The following TEX9 variants were observed in gnomAD, a reference collection of about 807,000 sequenced individuals.
The protein encoded by TEX9 is testis-expressed protein 9.
Under a neutral mutation model 59.6 loss-of-function variants are expected in TEX9, and 74 were observed. That is an observed-to-expected ratio of 1.24 (90% CI 1.03 to 1.51). The LOEUF is 1.51. TEX9 is among the 40% of genes most tolerant of loss of function. TEX9 has a pLI of 0.00. For synonymous variants in TEX9, 186 were observed against 152.2 expected (o/e 1.22, Z -1.64); for missense variants, 522 against 447.8 (o/e 1.17, Z -1.49).
chr15:56,339,590 C>A (rs2141824067), intron 1 of TEX9, among the ~76,000 whole-genome samples: 1 of 152,050 alleles, frequency 6.6e-6, no homozygotes, highest in South Asian at 2.1e-4. Context: ...AATAAAAATA[C>A]CACATTCAGC....
chr15:56,245,259 C>G (rs77915311), intron 1 of TEX9, among the ~76,000 whole-genome samples: 165 of 152,300 alleles, frequency 1.1e-3, no homozygotes, highest in African/African-American at 3.9e-3. Flanking sequence ...GGCCCACAGA[C>G]TTAAGGCCCA....
chr15:56,355,559 ATTC>A (rs1176474411), intron 1 of TEX9, among the ~76,000 whole-genome samples: 1 of 152,074 alleles, frequency 6.6e-6, no homozygotes. Context: ...CAACATTGCT[ATTC>A]TTATTCTTTC....
intron 4 of TEX9, among the ~76,000 whole-genome samples, chr15:56,384,721 A>G (rs2047885882): frequency 6.6e-6 from 1 of 152,180 alleles, no homozygotes; most frequent in African/African-American, 2.4e-5. Flanking sequence ...GAGGCTGGAA[A>G]GATAAAGGAT....
At chr15:56,252,693 T>C (rs1409487394) in intron 1 of TEX9, among the ~76,000 whole-genome samples, 1 of 152,104 alleles carries the variant, frequency 6.6e-6, no homozygotes, top group African/African-American at 2.4e-5. Context: ...TGAATTCAGA[T>C]CCACACTCTT....
At position 56,283,114 on chromosome 15, in the gene TEX9, T is replaced by C. The variant is rs1478108188; in HGVS notation, c.-107+38836T>C. Among the ~76,000 whole-genome samples, 3 of 150,708 alleles carry C rather than the reference T, an allele frequency of 2.0e-5. No individual in the cohort carries two copies. The East Asian group carries it at 5.9e-4, about 30-fold the overall frequency. ...CACATACATAACATTTCTGGAAAAA[T>C]ACAACAAAATGTTAACAGTGGTCCC... On this transcript the variant is annotated intron_variant, in intron 1 of 5. Coordinates refer to the TEX9 transcript ENST00000560827.
chr15:56,316,113 A>G (rs1291106143), intron 1 of TEX9, among the ~76,000 whole-genome samples: 1 of 146,994 alleles, frequency 6.8e-6, no homozygotes, highest in East Asian at 2.0e-4. Context: ...CCCGTAGCTC[A>G]GAGTAATTTG....
chr15:56,457,518 A>G, the TEX9 span, among the ~76,000 whole-genome samples: 1 of 152,224 alleles, frequency 6.6e-6, no homozygotes, highest in Admixed American at 6.5e-5. Flanking sequence ...TCAGTTTTAT[A>G]GTTTGATATA....
chr15:56,456,875 G>C, the TEX9 span, among the ~76,000 whole-genome samples: 1 of 151,760 alleles, frequency 6.6e-6, no homozygotes, highest in African/African-American at 2.4e-5. Context: ...TAGACATCAT[G>C]TCACTTACCA....
intron 9 of TEX9, chr15:56,410,135 A>C (rs143210699): frequency 6.6e-6 from 1 of 152,336 alleles, no homozygotes; most frequent in African/African-American, 2.4e-5. Flanking sequence ...TCACAATTTC[A>C]GATATGGAAA....
intron 3 of TEX9, among the ~76,000 whole-genome samples, chr15:56,382,914 C>T (rs2047796588): frequency 6.6e-6 from 1 of 152,154 alleles, no homozygotes. Flanking sequence ...TCCCTAGGTG[C>T]CAGCCTAGTC....
At chr15:56,411,369 T>A (rs1255648478) in intron 9 of TEX9, among the ~76,000 whole-genome samples, 4 of 151,406 alleles carry the variant, frequency 2.6e-5, no homozygotes. Context: ...ATAGCAGATA[T>A]GATGATAAAT....
intron 12 of TEX9, among the ~76,000 whole-genome samples, chr15:56,430,841 A>G (rs2050570898): frequency 6.6e-6 from 1 of 152,202 alleles, no homozygotes; most frequent in African/African-American, 2.4e-5. Flanking sequence ...GTAGCTTTAG[A>G]TTTCCTACAC....
chr15:56,442,727 G>A (rs2050840011), intron 12 of TEX9, among the ~76,000 whole-genome samples: 2 of 151,982 alleles, frequency 1.3e-5, no homozygotes, highest in Admixed American at 6.6e-5. Flanking sequence ...CAGACACTGG[G>A]GCCTACTTGA....
intron 1 of TEX9, among the ~76,000 whole-genome samples, chr15:56,246,692 G>A (rs2043866177): frequency 3.9e-5 from 6 of 152,144 alleles, no homozygotes; most frequent in Admixed American, 3.9e-4. Flanking sequence ...AGACATTGTA[G>A]TAAGCATGAC....
intron 2 of TEX9, among the ~76,000 whole-genome samples, chr15:56,370,431 C>T (rs2142001096): frequency 6.6e-6 from 1 of 152,160 alleles, no homozygotes; most frequent in South Asian, 2.1e-4. Context: ...CCCTTTATTA[C>T]TTTTTGTGAA....
intron 1 of TEX9, among the ~76,000 whole-genome samples, chr15:56,343,519 G>T (rs1186620627): frequency 3.9e-5 from 6 of 152,014 alleles, no homozygotes; most frequent in African/African-American, 1.2e-4. Flanking sequence ...TGAAAAAGGA[G>T]AAATGGCAAA....
chr15:56,417,229 T>C lies in TEX9; in HGVS notation c.963+4793T>C, dbSNP rs2049737404. Among the ~76,000 whole-genome samples the C allele has an allele frequency of 8.6e-5, 13 of 152,016 alleles. No individual in the cohort carries two copies. In the South Asian group the frequency reaches 2.7e-3, roughly 31 times the overall value. Reference sequence around the variant, plus strand: ...CAGCTCTGATTTTTGTTATTTCTCATCTTCTGCTAGCTTTGGGGTTGATTT... The same window carrying C: ...CAGCTCTGATTTTTGTTATTTCTCACCTTCTGCTAGCTTTGGGGTTGATTT... On this transcript the variant is annotated intron_variant, in intron 10 of 12. Transcript: ENST00000352903.
intron 1 of TEX9, among the ~76,000 whole-genome samples, chr15:56,342,059 T>C (rs2046382157): frequency 6.6e-6 from 1 of 152,140 alleles, no homozygotes; most frequent in African/African-American, 2.4e-5. Flanking sequence ...GCTAATCCCT[T>C]TGATGAAGCC....
At chr15:56,411,652 T>A (rs1567132528) in intron 9 of TEX9, among the ~76,000 whole-genome samples, 1 of 152,156 alleles carries the variant, frequency 6.6e-6, no homozygotes, top group Non-Finnish European at 1.5e-5. Flanking sequence ...TGGCAGGAGA[T>A]GAGGCTGGTT....
Sources: gnomAD v4.1 joint callset for allele counts (sites outside exome capture counted in the v4.1 genomes callset) on GRCh38, gnomAD v4.1.1 for gene constraint, MANE v1.5 for transcripts, NCBI Gene and HGNC (gene_info 2026-07-23, HGNC 2026-07-21) for gene names.